Variants in BMP2K observed in about 807,000 individuals in gnomAD.
BMP2K encodes BMP-2-inducible protein kinase.
BMP2K carries 74 observed loss-of-function variants against 116.0 expected under a neutral mutation model. That is an observed-to-expected ratio of 0.64 (90% CI 0.53 to 0.77). The LOEUF (loss-of-function observed/expected upper bound fraction) is 0.77, where lower values mean the gene tolerates loss of function less well. Ranked by LOEUF, BMP2K falls within the 30% of genes least tolerant of loss-of-function variation. The pLI is 0.00. For missense variants in BMP2K, 1,365 were observed against 1,403.6 expected, an observed-to-expected ratio of 0.97 and a Z score of 0.44; for synonymous variants, 486 against 502.5, an observed-to-expected ratio of 0.97 and a Z score of 0.44.
At chr4:78,805,244 C>T (rs987791626) in intron 1 of BMP2K, among the ~76,000 whole-genome samples, 2 of 152,174 alleles carry the variant, frequency 1.3e-5, no homozygotes, top group African/African-American at 4.8e-5. Flanking sequence ...AATTTCTAGG[C>T]TCTGAGTTCT....
intron 15 of BMP2K, among the ~76,000 whole-genome samples, chr4:78,901,650 C>T (rs756422296): frequency 9.9e-5 from 15 of 152,104 alleles, no homozygotes; most frequent in Non-Finnish European, 2.2e-4. Flanking sequence ...CTTTCTTCTC[C>T]CCAGGGCACT....
chr4:78,808,234 A>C (rs1728915975), intron 1 of BMP2K, among the ~76,000 whole-genome samples: 1 of 142,254 alleles, frequency 7.0e-6, no homozygotes, highest in Non-Finnish European at 1.5e-5. Flanking sequence ...TTAACATCAG[A>C]AGTTACATTA....
intron 3 of BMP2K, among the ~76,000 whole-genome samples, chr4:78,834,410 C>A (rs188293433): frequency 6.6e-6 from 1 of 151,852 alleles, no homozygotes; most frequent in Non-Finnish European, 1.5e-5. Context: ...TACAGGTGCC[C>A]GCCACGACGC....
intron 3 of BMP2K, among the ~76,000 whole-genome samples, chr4:78,840,980 T>C (rs895423922): frequency 6.6e-6 from 1 of 152,078 alleles, no homozygotes; most frequent in African/African-American, 2.4e-5. Context: ...GAAGCCTGGG[T>C]TTAATTAAAA....
rs1025197612 is a variant in BMP2K, at chr4:78,914,953, AT to A, written c.*2921del. 1 of 151,972 alleles carries A rather than the reference AT, an allele frequency of 6.6e-6. No homozygotes were observed. Among genetic ancestry groups the A allele is most frequent in the African/African-American group, 2.4e-5 (1 of 41,404 alleles). The allele number at this position is 151,972 out of a possible 1,614,324, so 9.4% of individuals were successfully genotyped here. On this transcript the variant is annotated 3_prime_UTR_variant, in exon 16 of 16. Coordinates refer to ENST00000502613, the MANE Select transcript of BMP2K (RefSeq NM_198892.2). ...AAAAGTGGACCATTTGCTTATTTTAATATCACGTCAGTAAAATGTTAGTATT... is the reference window on the plus strand; with the variant it reads ...AAAAGTGGACCATTTGCTTATTTTAAATCACGTCAGTAAAATGTTAGTATT...
At chr4:78,802,698 A>G (rs998403854) in intron 1 of BMP2K, among the ~76,000 whole-genome samples, 8 of 152,096 alleles carry the variant, frequency 5.3e-5, no homozygotes, top group Non-Finnish European at 8.8e-5. Context: ...TCCTTCCCCA[A>G]TGATCTCTGA....
At chr4:78,842,581 C>G (rs1340236301) in intron 4 of BMP2K, 54 bp downstream of exon 4, 10 of 1,456,870 alleles carry the variant, frequency 6.9e-6, no homozygotes, top group Non-Finnish European at 9.2e-6. Context: ...TTAAAATGTT[C>G]TTGGAGTATT....
intron 1 of BMP2K, among the ~76,000 whole-genome samples, chr4:78,786,955 C>A (rs139916547): frequency 6.6e-6 from 1 of 151,988 alleles, no homozygotes; most frequent in Non-Finnish European, 1.5e-5. Context: ...GATCTTGTTA[C>A]GTTATCCAGG....
At chr4:78,904,747 T>TAA (rs1468004385) in intron 15 of BMP2K, among the ~76,000 whole-genome samples, 1 of 151,954 alleles carries the variant, frequency 6.6e-6, no homozygotes, top group African/African-American at 2.4e-5. Flanking sequence ...TCCAAGTTCT[T>TAA]TTGTTAAGTA....
intron 1 of BMP2K, among the ~76,000 whole-genome samples, chr4:78,788,903 T>G (rs1257811784): frequency 1.3e-5 from 2 of 151,272 alleles, no homozygotes; most frequent in East Asian, 1.9e-4. Context: ...CTGTTTTTTT[T>G]TTTTTTTTTT....
At chr4:78,874,185 A>G (rs2110062905) in intron 13 of BMP2K, among the ~76,000 whole-genome samples, 1 of 152,136 alleles carries the variant, frequency 6.6e-6, no homozygotes, top group East Asian at 1.9e-4. Flanking sequence ...TCACACACAC[A>G]CACACACACA....
intron 15 of BMP2K, among the ~76,000 whole-genome samples, chr4:78,903,971 A>T (rs1477931359): frequency 3.3e-5 from 5 of 151,998 alleles, no homozygotes; most frequent in Non-Finnish European, 7.4e-5. Flanking sequence ...ATAGTCTTAA[A>T]TTTAGGCAGG....
chr4:78,854,900 C>G (rs1043524685), intron 7 of BMP2K, among the ~76,000 whole-genome samples: 10 of 151,830 alleles, frequency 6.6e-5, no homozygotes, highest in Non-Finnish European at 4.4e-5. Flanking sequence ...ATAACCTCAC[C>G]CACTCTCTTC....
At chr4:78,860,033 T>TTTTTTTTTTTTTA in intron 8 of BMP2K, 1 of 513,166 alleles carries the variant, frequency 1.9e-6, no homozygotes, top group Non-Finnish European at 3.8e-6. Context: ...TTTTTTTTCT[T>TTTTTTTTTTTTTA]AGAAGTGTTG....
intron 1 of BMP2K, among the ~76,000 whole-genome samples, chr4:78,778,646 A>C (rs1389381949): frequency 2.0e-5 from 3 of 152,200 alleles, no homozygotes; most frequent in African/African-American, 7.2e-5. Flanking sequence ...GTCTATGTAT[A>C]ATCAGTTTAA....
chr4:78,855,861 A>G (rs1413111198), intron 7 of BMP2K, among the ~76,000 whole-genome samples: 1 of 152,126 alleles, frequency 6.6e-6, no homozygotes, highest in African/African-American at 2.4e-5. Flanking sequence ...AGTTGATTTT[A>G]TATTTATAGT....
chr4:78,899,149 T>G (rs1317219642), intron 15 of BMP2K: 1 of 152,264 alleles, frequency 6.6e-6, no homozygotes. Flanking sequence ...GTGAGACCCC[T>G]TCTCTTAAAG....
chr4:78,781,936 G>C (rs1193401507), intron 1 of BMP2K, among the ~76,000 whole-genome samples: 1 of 152,200 alleles, frequency 6.6e-6, no homozygotes, highest in Non-Finnish European at 1.5e-5. Context: ...GGAAACTTGA[G>C]AGTATTTCAA....
intron 1 of BMP2K, among the ~76,000 whole-genome samples, chr4:78,786,337 C>T (rs1447036522): frequency 6.6e-6 from 1 of 152,028 alleles, no homozygotes; most frequent in Non-Finnish European, 1.5e-5. Context: ...CTGAATTTCC[C>T]AGCACCTTGC....
Sources: allele counts gnomAD v4.1 joint callset (sites outside exome capture counted in the v4.1 genomes callset), GRCh38; gene constraint gnomAD v4.1.1; transcripts MANE v1.5; gene names NCBI Gene and HGNC (gene_info 2026-07-23, HGNC 2026-07-21).